The following LIN28B variants were observed in gnomAD, a reference collection of about 807,000 sequenced individuals.
LIN28B encodes lin-28 RNA binding posttranscriptional regulator B.
LIN28B carries 5 observed loss-of-function variants against 21.9 expected under a neutral mutation model. That is an observed-to-expected ratio of 0.23 (90% confidence interval 0.12 to 0.48). LIN28B has a LOEUF of 0.48. Among genes scored for constraint, LIN28B ranks in the 20% least tolerant of loss-of-function variants. The probability of loss-of-function intolerance (pLI) is 0.98; values close to 1 mark genes in which losing one functional copy is unlikely to be tolerated. For missense variants in LIN28B, 245 were observed against 310.5 expected (o/e 0.79, Z 1.58); for synonymous variants, 109 against 111.3 (o/e 0.98, Z 0.13).
At position 105,037,372 on chromosome 6, in the gene LIN28B, T is replaced by C. The variant is rs538947312; in HGVS notation, c.383+10890T>C. On this transcript the variant is annotated intron_variant, in intron 3 of 3. Transcript: ENST00000345080. ...TTCTAATAAATTTGAAGAGCTTATA[T>C]AAAGATTCTTCCAAATTCACATTGG... 4.4e-4 allele frequency among the ~76,000 whole-genome samples: 67 copies of C among 152,320 alleles called. 2 individuals carry two copies. In the South Asian group the frequency reaches 0.014, roughly 32 times the overall value.
intron 2 of LIN28B, among the ~76,000 whole-genome samples, chr6:105,022,450 A>T (rs902065836): frequency 3.9e-5 from 6 of 152,202 alleles, no homozygotes; most frequent in Non-Finnish European, 8.8e-5. Flanking sequence ...CTGTAAAGAA[A>T]TATAATTGGA....
intron 2 of LIN28B, chr6:104,939,568 T>C (rs976842762): frequency 2.6e-5 from 4 of 152,350 alleles, no homozygotes; most frequent in Admixed American, 6.5e-5. Context: ...TTAATCCCAA[T>C]CCAGAAATTG....
intron 2 of LIN28B, among the ~76,000 whole-genome samples, chr6:105,000,879 T>C (rs998537852): frequency 3.3e-5 from 5 of 152,194 alleles, no homozygotes; most frequent in African/African-American, 1.2e-4. Context: ...CAAACTACCT[T>C]AGATGTTACT....
At chr6:105,059,917 T>G (rs1234347815) in intron 3 of LIN28B, among the ~76,000 whole-genome samples, 2 of 152,162 alleles carry the variant, frequency 1.3e-5, no homozygotes, top group Admixed American at 6.5e-5. Context: ...ATTTTTTTTT[T>G]TTTAAGATGG....
At chr6:105,074,236 C>T (rs2211010) in intron 3 of LIN28B, among the ~76,000 whole-genome samples, 75,353 of 151,954 alleles carry the variant, frequency 0.5, 20,501 homozygotes, top group Non-Finnish European at 0.62. Context: ...CTCGCTCTGT[C>T]GCCCAGGCTG....
intron 3 of LIN28B, among the ~76,000 whole-genome samples, chr6:105,053,631 A>G (rs1289268932): frequency 1.3e-5 from 2 of 150,604 alleles, no homozygotes; most frequent in African/African-American, 2.5e-5. Flanking sequence ...TGTAATATCT[A>G]TTACTTTGAA....
intron 2 of LIN28B, among the ~76,000 whole-genome samples, chr6:105,021,368 C>G (rs1434967740): frequency 6.6e-6 from 1 of 152,036 alleles, no homozygotes; most frequent in Non-Finnish European, 1.5e-5. Flanking sequence ...ATTTCTTTTC[C>G]TTTGGGTCAA....
intron 3 of LIN28B, among the ~76,000 whole-genome samples, chr6:105,065,491 G>T (rs1266609439): frequency 1.3e-5 from 2 of 152,234 alleles, no homozygotes; most frequent in Non-Finnish European, 2.9e-5. Context: ...TCTGTCACTG[G>T]AAGAGCAGTT....
chr6:105,055,254 C>T (rs1448280383), intron 3 of LIN28B, among the ~76,000 whole-genome samples: 2 of 152,056 alleles, frequency 1.3e-5, no homozygotes, highest in Non-Finnish European at 2.9e-5. Flanking sequence ...TATTCTGCTT[C>T]GTTCTCTCTT....
chr6:105,078,879 G>T lies in LIN28B; in HGVS notation c.*96G>T. On this transcript the variant is annotated 3_prime_UTR_variant, in exon 4 of 4. Transcript: ENST00000345080. ...TATTTCACAAGCAGTAGCTGACCTG[G>T]GATTTTAACTACTATTGGGGAACTG... The T allele has an allele frequency of 1.4e-6, 2 of 1,380,620 alleles. No homozygotes were observed. Among genetic ancestry groups the T allele is most frequent in the South Asian group, 1.5e-5 (1 of 68,756 alleles). 85.5% of individuals were successfully genotyped at this position (1,380,620 alleles called of 1,614,324 possible). A position where few individuals can be genotyped will look rare whatever the true frequency, so the allele number is the denominator to read the frequency against.
chr6:105,025,807 C>G (rs79293312), intron 2 of LIN28B, among the ~76,000 whole-genome samples: 2 of 145,418 alleles, frequency 1.4e-5, no homozygotes, highest in East Asian at 2.0e-4. Flanking sequence ...TTCTTTAACT[C>G]TTTTTTTTTT....
chr6:105,011,157 A>G (rs1489730276), intron 2 of LIN28B, among the ~76,000 whole-genome samples: 1 of 152,122 alleles, frequency 6.6e-6, no homozygotes, highest in Non-Finnish European at 1.5e-5. Context: ...TGCCCATTAC[A>G]AAAAATTCAG....
chr6:105,040,382 T>C (rs1771607793), intron 3 of LIN28B, among the ~76,000 whole-genome samples: 1 of 152,126 alleles, frequency 6.6e-6, no homozygotes, highest in Non-Finnish European at 1.5e-5. Flanking sequence ...TGTATTGCTG[T>C]ATAGTTTAAC....
At chr6:105,062,960 A>T (rs1254606053) in intron 3 of LIN28B, among the ~76,000 whole-genome samples, 1 of 152,118 alleles carries the variant, frequency 6.6e-6, no homozygotes, top group Non-Finnish European at 1.5e-5. Flanking sequence ...ATGGTTTCTT[A>T]TGTAAATTTC....
chr6:104,973,385 G>A (rs577649369), intron 2 of LIN28B, among the ~76,000 whole-genome samples: 485 of 152,172 alleles, frequency 3.2e-3, no homozygotes, highest in Non-Finnish European at 5.6e-3. Context: ...AGTGTAAATT[G>A]AATAATGAAA....
At chr6:105,010,501 A>C (rs1325872805) in intron 2 of LIN28B, among the ~76,000 whole-genome samples, 2 of 152,206 alleles carry the variant, frequency 1.3e-5, no homozygotes, top group African/African-American at 4.8e-5. Flanking sequence ...TATTTTTAAA[A>C]TTTTGAAACA....
chr6:104,998,114 C>T (rs1027914379), intron 2 of LIN28B, among the ~76,000 whole-genome samples: 1 of 152,072 alleles, frequency 6.6e-6, no homozygotes, highest in Non-Finnish European at 1.5e-5. Flanking sequence ...ACTGATCAAA[C>T]CATACAATAA....
upstream of LIN28B, among the ~76,000 whole-genome samples, chr6:104,956,638 A>G (rs12215957): frequency 0.04 from 6,053 of 152,272 alleles, 170 homozygotes; most frequent in Admixed American, 0.086. Flanking sequence ...TCCTCTAAGA[A>G]TTGAATTAAA....
intron 2 of LIN28B, 87 bp from the exon 3 acceptor site, chr6:105,026,211 T>C: frequency 1.5e-6 from 1 of 679,672 alleles, no homozygotes. Flanking sequence ...AGAGTATCTT[T>C]CTTTTTTAAA....
Sources: allele counts gnomAD v4.1 joint callset (sites outside exome capture counted in the v4.1 genomes callset), GRCh38; gene constraint gnomAD v4.1.1; transcripts MANE v1.5; gene names NCBI Gene and HGNC (gene_info 2026-07-23, HGNC 2026-07-21).